Variants in CAMTA1 observed in about 807,000 individuals in gnomAD.
CAMTA1 encodes calmodulin binding transcription activator 1.
In CAMTA1, 27 loss-of-function variants were observed where a neutral mutation model predicts 170.9. The observed-to-expected ratio is 0.16, with a 90% confidence interval of 0.12 to 0.22. The LOEUF is 0.22. Among genes scored for constraint, CAMTA1 ranks in the 10% least tolerant of loss-of-function variants. The pLI, the probability that CAMTA1 is intolerant of heterozygous loss-of-function variation, is 1.00. For synonymous variants in CAMTA1, 833 were observed against 891.5 expected (o/e 0.93, Z 1.17); for missense variants, 1,619 against 2,217.2 (o/e 0.73, Z 5.42).
chr1:7,352,604 G>A (rs1207610774), intron 5 of CAMTA1, among the ~76,000 whole-genome samples: 1 of 152,186 alleles, frequency 6.6e-6, no homozygotes, highest in Non-Finnish European at 1.5e-5. Flanking sequence ...TTCCAGGAAA[G>A]GGATTTTTAA....
At chr1:7,460,601 C>G (rs1227796617) in intron 5 of CAMTA1, among the ~76,000 whole-genome samples, 1 of 146,446 alleles carries the variant, frequency 6.8e-6, no homozygotes, top group Non-Finnish European at 1.5e-5. Context: ...CTGCCCCCCC[C>G]AACCCCAGCC....
rs1232070226 is a variant in CAMTA1 at position 7,401,616 on chromosome 1, A to G, written c.439-66214A>G. 4.6e-5 allele frequency among the ~76,000 whole-genome samples: 7 copies of G among 152,286 alleles called. 1 individual carries two copies. Among genetic ancestry groups the G allele is most frequent in the African/African-American group, 1.7e-4 (7 of 41,554 alleles). ...AACGTAACTATTGGGTCTTCACATC[A>G]ACATGGTATGTTTCTCCATTTATTT... On this transcript the variant is annotated intron_variant, in intron 5 of 22. Coordinates refer to ENST00000303635, the MANE Select transcript of CAMTA1 (RefSeq NM_015215.4).
chr1:7,012,220 G>A (rs1022476995), intron 3 of CAMTA1, among the ~76,000 whole-genome samples: 1 of 152,006 alleles, frequency 6.6e-6, no homozygotes, highest in African/African-American at 2.4e-5. Context: ...ATTCTCCAAG[G>A]TGACTCTTAA....
At chr1:7,226,147 C>T (rs149055399) in intron 4 of CAMTA1, among the ~76,000 whole-genome samples, 5 of 152,278 alleles carry the variant, frequency 3.3e-5, no homozygotes, top group East Asian at 1.9e-4. Context: ...AGGCCAAACA[C>T]GTGCCTCCAA....
chr1:7,695,432 T>C (rs1410335595), intron 11 of CAMTA1, among the ~76,000 whole-genome samples: 1 of 152,200 alleles, frequency 6.6e-6, no homozygotes, highest in African/African-American at 2.4e-5. Flanking sequence ...TGCTCATTTT[T>C]ATATTTGGTG....
intron 3 of CAMTA1, among the ~76,000 whole-genome samples, chr1:7,020,155 G>A (rs889231754): frequency 1.3e-5 from 2 of 152,210 alleles, no homozygotes; most frequent in Non-Finnish European, 2.9e-5. Flanking sequence ...AGTATGAATT[G>A]GAGCCAATTA....
intron 6 of CAMTA1, among the ~76,000 whole-genome samples, chr1:7,573,256 G>A (rs2095146539): frequency 6.6e-6 from 1 of 152,146 alleles, no homozygotes; most frequent in Non-Finnish European, 1.5e-5. Context: ...CTTTGCAGCT[G>A]GGCACACCAT....
At chr1:7,359,690 G>C (rs1234988393) in intron 5 of CAMTA1, among the ~76,000 whole-genome samples, 1 of 152,186 alleles carries the variant, frequency 6.6e-6, no homozygotes, top group African/African-American at 2.4e-5. Context: ...ATACCCAGAT[G>C]CAACAGCTTC....
chr1:7,341,578 G>A (rs1182873922), intron 5 of CAMTA1, among the ~76,000 whole-genome samples: 1 of 152,240 alleles, frequency 6.6e-6, no homozygotes, highest in African/African-American at 2.4e-5. Context: ...CCCTGCAAAT[G>A]ACGACGAAAG....
intron 6 of CAMTA1, among the ~76,000 whole-genome samples, chr1:7,487,943 G>A (rs957325660): frequency 2.0e-5 from 3 of 152,200 alleles, no homozygotes; most frequent in South Asian, 2.1e-4. Flanking sequence ...GCCATTCCCC[G>A]GAGTGGTGTC....
chr1:7,493,068 C>CAA (rs1553180828), intron 6 of CAMTA1, among the ~76,000 whole-genome samples: 1 of 119,618 alleles, frequency 8.4e-6, no homozygotes, highest in South Asian at 2.7e-4. Context: ...CGCGCGCACA[C>CAA]ACACAGACAT....
At chr1:7,520,803 A>C (rs1227929529) in intron 6 of CAMTA1, among the ~76,000 whole-genome samples, 1 of 152,176 alleles carries the variant, frequency 6.6e-6, no homozygotes, top group Non-Finnish European at 1.5e-5. Context: ...GGCTTCTTCC[A>C]GTCCAAGAAA....
chr1:7,582,134 G>A (rs537871416), intron 6 of CAMTA1, among the ~76,000 whole-genome samples: 2 of 152,282 alleles, frequency 1.3e-5, no homozygotes, highest in South Asian at 4.1e-4. Flanking sequence ...TCCCTGAGCT[G>A]GAGTCTGTGC....
chr1:7,302,236 C>T (rs1450156165), intron 5 of CAMTA1, among the ~76,000 whole-genome samples: 1 of 152,166 alleles, frequency 6.6e-6, no homozygotes, highest in Non-Finnish European at 1.5e-5. Context: ...TGGCATTGGG[C>T]TTCTGTGCAT....
chr1:7,020,542 T>A (rs1701194397), intron 3 of CAMTA1, among the ~76,000 whole-genome samples: 1 of 152,214 alleles, frequency 6.6e-6, no homozygotes, highest in South Asian at 2.1e-4. Flanking sequence ...CTTGTCATTA[T>A]GGGACGCAGG....
chr1:7,521,065 A>T lies in CAMTA1; in HGVS notation c.510+53164A>T, dbSNP rs72863102. Among the ~76,000 whole-genome samples the T allele has an allele frequency of 8.7e-3, 1,327 of 152,140 alleles. 12 individuals carry two copies. The highest frequency in any genetic ancestry group is 0.03 in the African/African-American group (1,253 of 41,478). On this transcript the variant is annotated intron_variant, in intron 6 of 22. Transcript: ENST00000303635. ...CAGTCCATGGGGAAATAAGAAAAAT[A>T]AAAAAAATGTGGTGGGCTTTTCATA...
At chr1:7,175,852 T>G (rs1252325608) in intron 4 of CAMTA1, among the ~76,000 whole-genome samples, 1 of 152,262 alleles carries the variant, frequency 6.6e-6, no homozygotes, top group African/African-American at 2.4e-5. Flanking sequence ...TGAAGCCATG[T>G]GGGTTTCAGA....
chr1:6,811,368 A>T (rs1018925022), intron 1 of CAMTA1, among the ~76,000 whole-genome samples: 2 of 152,220 alleles, frequency 1.3e-5, no homozygotes, highest in African/African-American at 4.8e-5. Context: ...TGTTGTATGT[A>T]GCTTATTAAA....
chr1:7,415,714 A>G (rs546543597), intron 5 of CAMTA1, among the ~76,000 whole-genome samples: 31 of 152,254 alleles, frequency 2.0e-4, no homozygotes, highest in African/African-American at 6.7e-4. Flanking sequence ...TCTTTATCCA[A>G]TTTGCCAGTC....
Sources: gnomAD v4.1 joint callset for allele counts (sites outside exome capture counted in the v4.1 genomes callset) on GRCh38, gnomAD v4.1.1 for gene constraint, MANE v1.5 for transcripts, NCBI Gene and HGNC (gene_info 2026-07-23, HGNC 2026-07-21) for gene names.